The following PCDH7 variants were observed in gnomAD, a reference collection of about 807,000 sequenced individuals.
PCDH7 encodes protocadherin-7.
A neutral mutation model predicts 58.9 loss-of-function variants in PCDH7; 17 were observed. The observed-to-expected ratio is 0.29, with a 90% CI of 0.20 to 0.43. The LOEUF (loss-of-function observed/expected upper bound fraction) is 0.43. Among genes scored for constraint, PCDH7 ranks in the 20% least tolerant of loss-of-function variants. The pLI, the probability that PCDH7 is intolerant of heterozygous loss-of-function variation, is 1.00. For synonymous variants in PCDH7, 664 were observed against 616.4 expected, an observed-to-expected ratio of 1.08 and a Z score of -1.14; for missense variants, 1,274 against 1,441.0, an observed-to-expected ratio of 0.88 and a Z score of 1.88.
chr4:31,070,410 C>T (rs1187993667), intron 3 of PCDH7, among the ~76,000 whole-genome samples: 1 of 152,118 alleles, frequency 6.6e-6, no homozygotes, highest in Non-Finnish European at 1.5e-5. Flanking sequence ...TCCAATAATA[C>T]GACTGACTTT....
intron 2 of PCDH7, among the ~76,000 whole-genome samples, chr4:30,920,947 T>A (rs1327080259): frequency 3.3e-5 from 5 of 152,140 alleles, no homozygotes; most frequent in African/African-American, 9.7e-5. Flanking sequence ...GGTTTTTTTT[T>A]ATTTTTATGT....
chr4:30,917,446 A>G (rs1264699921), intron 1 of PCDH7, among the ~76,000 whole-genome samples: 1 of 152,116 alleles, frequency 6.6e-6, no homozygotes, highest in East Asian at 1.9e-4. Context: ...ATTTTAAAAT[A>G]TGAATAAAAA....
intron 1 of PCDH7, among the ~76,000 whole-genome samples, chr4:30,911,329 C>T (rs1007154290): frequency 2.0e-5 from 3 of 147,058 alleles, no homozygotes; most frequent in Non-Finnish European, 3.0e-5. Flanking sequence ...CACCCCCCCC[C>T]CCAAAAAAAA....
At chr4:30,856,850 A>G (rs1733533536) in intron 1 of PCDH7, among the ~76,000 whole-genome samples, 1 of 151,998 alleles carries the variant, frequency 6.6e-6, no homozygotes, top group Non-Finnish European at 1.5e-5. Context: ...TTTTACTGTC[A>G]AAAAGAAATA....
At chr4:31,106,610 T>C (rs984872964) in intron 3 of PCDH7, among the ~76,000 whole-genome samples, 15 of 152,354 alleles carry the variant, frequency 9.8e-5, no homozygotes, top group Admixed American at 3.3e-4. Flanking sequence ...ATGAATGTCA[T>C]GTTACTTCCT....
chr4:30,931,172 A>G (rs115628916), intron 2 of PCDH7, among the ~76,000 whole-genome samples: 2 of 152,170 alleles, frequency 1.3e-5, no homozygotes, highest in Non-Finnish European at 2.9e-5. Context: ...TCCCCACTAT[A>G]CCATAAACTG....
chr4:31,144,812 A>G (rs1325327282), downstream of PCDH7: 1 of 152,196 alleles, frequency 6.6e-6, no homozygotes, highest in African/African-American at 2.4e-5. Flanking sequence ...AATTGAAACA[A>G]AAAACATTGG....
intron 3 of PCDH7, among the ~76,000 whole-genome samples, chr4:31,028,315 T>C (rs1053500824): frequency 2.0e-5 from 3 of 152,152 alleles, no homozygotes; most frequent in Admixed American, 6.5e-5. Context: ...TACACCACAC[T>C]CAAGCTTAAT....
At chr4:31,022,713 C>G (rs1451458266) in intron 3 of PCDH7, among the ~76,000 whole-genome samples, 3 of 152,056 alleles carry the variant, frequency 2.0e-5, no homozygotes, top group African/African-American at 7.2e-5. Flanking sequence ...CCAAATTTGT[C>G]TGTATTTTGA....
chr4:31,054,905 A>G (rs1382260466), intron 3 of PCDH7, among the ~76,000 whole-genome samples: 2 of 152,196 alleles, frequency 1.3e-5, no homozygotes, highest in African/African-American at 4.8e-5. Flanking sequence ...TGAGTTTATG[A>G]AATCTATCAA....
intron 3 of PCDH7, among the ~76,000 whole-genome samples, chr4:31,125,266 G>C (rs547804959): frequency 6.6e-6 from 1 of 152,200 alleles, no homozygotes; most frequent in South Asian, 2.1e-4. Context: ...GTGTGGTTTG[G>C]CCCTGGAATC....
At chr4:30,797,137 T>A (rs1162662472) in intron 1 of PCDH7, among the ~76,000 whole-genome samples, 1 of 151,016 alleles carries the variant, frequency 6.6e-6, no homozygotes, top group Non-Finnish European at 1.5e-5. Context: ...ATTTTTATAT[T>A]TTTAGTAGAG....
At chr4:31,015,698 A>C (rs1197292867) in intron 3 of PCDH7, among the ~76,000 whole-genome samples, 1 of 152,140 alleles carries the variant, frequency 6.6e-6, no homozygotes, top group African/African-American at 2.4e-5. Context: ...TAAAACTATT[A>C]GTATATTGGT....
intron 1 of PCDH7, among the ~76,000 whole-genome samples, chr4:30,778,051 G>A (rs1294481652): frequency 6.6e-6 from 1 of 151,980 alleles, no homozygotes; most frequent in East Asian, 1.9e-4. Context: ...CATTAGTGCA[G>A]TCTTCATTTT....
At chr4:31,026,541 G>A (rs1259040813) in intron 3 of PCDH7, among the ~76,000 whole-genome samples, 1 of 152,170 alleles carries the variant, frequency 6.6e-6, no homozygotes, top group Admixed American at 6.6e-5. Context: ...TAATTTTTAT[G>A]TATTCCCTTT....
intron 1 of PCDH7, among the ~76,000 whole-genome samples, chr4:30,766,211 A>G (rs2109273912): frequency 6.6e-6 from 1 of 152,198 alleles, no homozygotes; most frequent in Non-Finnish European, 1.5e-5. Flanking sequence ...TTCTAAATTT[A>G]AGAGAATATT....
At chr4:30,952,009 T>C (rs1030026802) in intron 3 of PCDH7, among the ~76,000 whole-genome samples, 1 of 152,192 alleles carries the variant, frequency 6.6e-6, no homozygotes, top group Non-Finnish European at 1.5e-5. Flanking sequence ...CTCCTGAACA[T>C]GGGCCCTTCC....
intron 1 of PCDH7, among the ~76,000 whole-genome samples, chr4:30,814,039 C>T (rs1727347885): frequency 6.6e-6 from 1 of 151,982 alleles, no homozygotes; most frequent in South Asian, 2.1e-4. Context: ...CATCTTTGTA[C>T]TATTATTTTT....
intron 1 of PCDH7, among the ~76,000 whole-genome samples, chr4:30,841,080 C>T (rs146357315): frequency 1.9e-4 from 29 of 152,014 alleles, no homozygotes; most frequent in East Asian, 1.4e-3. Flanking sequence ...ATATATATCT[C>T]GAAGCACTGC....
Sources: gnomAD v4.1 joint callset for allele counts (sites outside exome capture counted in the v4.1 genomes callset) on GRCh38, gnomAD v4.1.1 for gene constraint, MANE v1.5 for transcripts, NCBI Gene and HGNC (gene_info 2026-07-23, HGNC 2026-07-21) for gene names.